Variants in TMOD2 observed in about 807,000 individuals in gnomAD.
The protein encoded by TMOD2 is tropomodulin 2, also known as tropomodulin-2.
Under a neutral mutation model 39.9 loss-of-function variants are expected in TMOD2, and 22 were observed. The observed-to-expected ratio is 0.55, with a 90% CI of 0.39 to 0.79. The LOEUF (loss-of-function observed/expected upper bound fraction) is 0.79. TMOD2 is among the 30% of genes least tolerant of loss of function. TMOD2 has a pLI of 0.00. For synonymous variants in TMOD2, 123 were observed against 146.1 expected, an observed-to-expected ratio of 0.84 and a Z score of 1.14; for missense variants, 386 against 413.3, an observed-to-expected ratio of 0.93 and a Z score of 0.57.
At chr15:51,771,780 C>T (rs2055855411) in intron 3 of TMOD2, among the ~76,000 whole-genome samples, 1 of 152,178 alleles carries the variant, frequency 6.6e-6, no homozygotes, top group Admixed American at 6.5e-5. Context: ...CTGAGATGAG[C>T]CCCAGTATTT....
chr15:51,766,358 CT>C lies in TMOD2; in HGVS notation c.-69-9del, dbSNP rs1567236150. On this transcript the variant is annotated splice_polypyrimidine_tract_variant and intron_variant, in intron 1 of 9. Transcript: ENST00000249700. ...ACGGAGATTCTTTTTTATTGTGTTT[CT>C]TTTTTATTAACAGTATTCTGAAGTC... 6.1e-6 allele frequency: 8 copies of C among 1,322,228 alleles called. No homozygotes were observed. The highest frequency in any genetic ancestry group is 8.3e-6 in the Non-Finnish European group (8 of 962,890). 81.9% of individuals were successfully genotyped at this position (1,322,228 alleles called of 1,614,324 possible).
At chr15:51,780,967 T>C in intron 5 of TMOD2, 77 bp from the exon 6 acceptor site, 1 of 1,215,544 alleles carries the variant, frequency 8.2e-7, no homozygotes. Flanking sequence ...ATGAAAGAAA[T>C]GTCATTTTTT....
intron 7 of TMOD2, among the ~76,000 whole-genome samples, chr15:51,790,950 A>G (rs2056007228): frequency 6.6e-6 from 1 of 152,228 alleles, no homozygotes; most frequent in Non-Finnish European, 1.5e-5. Context: ...GGCACAAGAC[A>G]AGGATGCCCT....
chr15:51,794,768 T>G (rs560907961), intron 7 of TMOD2, among the ~76,000 whole-genome samples: 1 of 152,320 alleles, frequency 6.6e-6, no homozygotes, highest in Non-Finnish European at 1.5e-5. Flanking sequence ...CTTAGAAAAT[T>G]TTTTATTCTC....
intron 4 of TMOD2, 119 bp from the exon 5 acceptor site, chr15:51,776,813 A>G: frequency 1.3e-6 from 1 of 788,742 alleles, no homozygotes. Context: ...GTGCAAGGAA[A>G]GAGGACTCAG....
At chr15:51,779,442 A>G (rs572605799) in intron 5 of TMOD2, among the ~76,000 whole-genome samples, 7 of 151,326 alleles carry the variant, frequency 4.6e-5, no homozygotes, top group Non-Finnish European at 8.8e-5. Flanking sequence ...GTGCAGTGGC[A>G]CGATCTCAGC....
intron 6 of TMOD2, 32 bp downstream of exon 6, chr15:51,781,206 A>AT: frequency 1.3e-6 from 2 of 1,571,946 alleles, no homozygotes; most frequent in Non-Finnish European, 8.6e-7. Context: ...CAGTCAGTTA[A>AT]TTTATCATGA....
rs1567251912 is a variant in TMOD2, at chr15:51,812,701, G to T, written c.*4247G>T. The stretch of plus-strand genomic sequence containing the variant: ...CGGGAAGTTGAGAACACTAGGTTCT[G>T]TGCTATGTTACCTGTATTCAGTAGA... On this transcript the variant is annotated 3_prime_UTR_variant, in exon 10 of 10. Coordinates refer to ENST00000249700, the MANE Select transcript of TMOD2 (RefSeq NM_014548.4). 1 of 152,222 alleles carries T rather than the reference G, an allele frequency of 6.6e-6. No homozygotes were observed. The highest frequency in any genetic ancestry group is 2.4e-5 in the African/African-American group (1 of 41,462). 9.4% of individuals were successfully genotyped at this position (152,222 alleles called of 1,614,324 possible).
Position 51,812,358 on chromosome 15 carries a change from C to T in TMOD2, c.*3904C>T, listed in dbSNP as rs1244995310. 5 of 152,154 alleles carry T rather than the reference C, an allele frequency of 3.3e-5. No individual in the cohort carries two copies. Among genetic ancestry groups the T allele is most frequent in the African/African-American group, 7.2e-5 (3 of 41,438 alleles). 9.4% of individuals were successfully genotyped at this position (152,154 alleles called of 1,614,324 possible). On this transcript the variant is annotated 3_prime_UTR_variant, in exon 10 of 10. Coordinates refer to ENST00000249700, the MANE Select transcript of TMOD2 (RefSeq NM_014548.4). ...CAGCATTAGGGAAACCAATGTCCTCCGAATAGCTGCCATGAGAACATTTCA... is the reference window on the plus strand; with the variant it reads ...CAGCATTAGGGAAACCAATGTCCTCTGAATAGCTGCCATGAGAACATTTCA...
rs1055999301 is a variant in TMOD2 at position 51,813,699 on chromosome 15, G to A, written c.*5245G>A. 2.0e-5 allele frequency: 3 copies of A among 152,140 alleles called. No homozygotes were observed. The highest frequency in any genetic ancestry group is 1.3e-4 in the Admixed American group (2 of 15,276). The allele number at this position is 152,140 out of a possible 1,614,324, so 9.4% of individuals were successfully genotyped here. A position where few individuals can be genotyped will look rare whatever the true frequency, so the allele number is the denominator to read the frequency against. On this transcript the variant is annotated 3_prime_UTR_variant, in exon 10 of 10. Transcript: ENST00000249700. ...CACTTCCTTAGCTGGGTAACTTTGG[G>A]CAAACCGCTTGGTCTCTCAAGCCTA... is the stretch of plus-strand genomic sequence containing the variant.
chr15:51,795,565 GCTTGCTTGCTTGCTTTCTTTCTTTCTTT>G (rs201383981), intron 7 of TMOD2, among the ~76,000 whole-genome samples: 20,653 of 108,820 alleles, frequency 0.19, 2,106 homozygotes, highest in Admixed American at 0.26. Context: ...CTTCTCTTCT[GCTTGCTTGCTTGCTTTCTTTCTTTCTTT>G]CTTTCTTTCT....
rs1250997917 is a variant in TMOD2 at position 51,758,257 on chromosome 15, TTTAA to T, written c.-70+6555_-70+6558del. On this transcript the variant is annotated intron_variant, in intron 1 of 9. Transcript: ENST00000249700. ...CTGTTACATAGTATGAACATGTTAT[TTTAA>T]TTAATTAATGTATTTTCCTACTGAA... Among the ~76,000 whole-genome samples, 6 of 152,190 alleles carry T rather than the reference TTTAA, an allele frequency of 3.9e-5. No individual in the cohort carries two copies. The East Asian group carries it at 5.8e-4, about 15-fold the overall frequency.
At position 51,808,690 on chromosome 15, in the gene TMOD2, A is replaced by G. The variant is rs1476410386; in HGVS notation, c.*236A>G. 8.0e-6 allele frequency: 3 copies of G among 373,218 alleles called. No individual in the cohort carries two copies. The highest frequency in any genetic ancestry group is 2.1e-5 in the African/African-American group (1 of 47,750). 23.1% of individuals were successfully genotyped at this position (373,218 alleles called of 1,614,324 possible). ...GGCAACTTGACAAATGGACCGATGC[A>G]GATTTTAGAGAGTGACGACATGGAA... On this transcript the variant is annotated 3_prime_UTR_variant, in exon 10 of 10. Transcript: ENST00000249700.
intron 1 of TMOD2, among the ~76,000 whole-genome samples, chr15:51,755,347 T>A (rs2055734831): frequency 6.6e-6 from 1 of 152,250 alleles, no homozygotes; most frequent in Non-Finnish European, 1.5e-5. Flanking sequence ...TCTGCTTTTA[T>A]GATTTGCCAT....
At chr15:51,774,272 A>C (rs1473327472) in intron 4 of TMOD2, among the ~76,000 whole-genome samples, 4 of 152,236 alleles carry the variant, frequency 2.6e-5, no homozygotes, top group Non-Finnish European at 5.9e-5. Flanking sequence ...TAACAATAGC[A>C]ACATGATAAT....
At chr15:51,768,142 A>C (rs2055828261) in intron 2 of TMOD2, 120 bp from the exon 3 acceptor site, 2 of 1,178,984 alleles carry the variant, frequency 1.7e-6, no homozygotes, top group Non-Finnish European at 2.4e-6. Flanking sequence ...GCTCACACGC[A>C]CATTCTGCGT....
At chr15:51,795,583 TTTC>T (rs1322287874) in intron 7 of TMOD2, among the ~76,000 whole-genome samples, 1 of 32,120 alleles carries the variant, frequency 3.1e-5, no homozygotes, top group African/African-American at 1.0e-4. Context: ...GCTTGCTTTC[TTTC>T]TTTCTTTCTT....
At chr15:51,798,740 A>T (rs1409577033) in intron 8 of TMOD2, among the ~76,000 whole-genome samples, 1 of 152,208 alleles carries the variant, frequency 6.6e-6, no homozygotes, top group Non-Finnish European at 1.5e-5. Context: ...GCTAACAGAG[A>T]AAGCAGGGTA....
chr15:51,779,798 A>G (rs2055917213), intron 5 of TMOD2, among the ~76,000 whole-genome samples: 2 of 152,022 alleles, frequency 1.3e-5, no homozygotes, highest in African/African-American at 4.8e-5. Context: ...CTCCCACCTC[A>G]GTCCCCTGAG....
Sources: gnomAD v4.1 joint callset for allele counts (sites outside exome capture counted in the v4.1 genomes callset) on GRCh38, gnomAD v4.1.1 for gene constraint, MANE v1.5 for transcripts, NCBI Gene and HGNC (gene_info 2026-07-23, HGNC 2026-07-21) for gene names.